The following EXOC6B variants were observed in gnomAD, a reference collection of about 807,000 sequenced individuals.
EXOC6B encodes SEC15 homolog B.
Under a neutral mutation model 113.5 loss-of-function variants are expected in EXOC6B, and 54 were observed. That is an observed-to-expected ratio of 0.48 (90% CI 0.38 to 0.60). The LOEUF (loss-of-function observed/expected upper bound fraction) is 0.60. Ranked by LOEUF, EXOC6B falls within the 20% of genes least tolerant of loss-of-function variation. The probability of loss-of-function intolerance (pLI) is 0.00; values close to 1 mark genes in which losing one functional copy is unlikely to be tolerated. For missense variants in EXOC6B, 797 were observed against 977.5 expected (o/e 0.82, Z 2.46); for synonymous variants, 357 against 339.0 (o/e 1.05, Z -0.58).
At chr2:72,812,825 T>A (rs1685996501) in intron 1 of EXOC6B, among the ~76,000 whole-genome samples, 1 of 152,130 alleles carries the variant, frequency 6.6e-6, no homozygotes, top group Non-Finnish European at 1.5e-5. Flanking sequence ...TCTACCAGTA[T>A]CAGGATATTA....
chr2:72,511,844 C>G (rs1166257970), intron 11 of EXOC6B, among the ~76,000 whole-genome samples: 1 of 152,134 alleles, frequency 6.6e-6, no homozygotes, highest in African/African-American at 2.4e-5. Flanking sequence ...TTTACTCTGT[C>G]TGGAACACCT....
intron 18 of EXOC6B, among the ~76,000 whole-genome samples, chr2:72,427,745 G>T (rs1403690069): frequency 6.6e-6 from 1 of 152,186 alleles, no homozygotes; most frequent in Non-Finnish European, 1.5e-5. Context: ...ACCCTGGTGA[G>T]GCTGTACCTT....
intron 20 of EXOC6B, among the ~76,000 whole-genome samples, chr2:72,280,930 G>A (rs1685089618): frequency 2.0e-5 from 3 of 152,046 alleles, no homozygotes; most frequent in Non-Finnish European, 4.4e-5. Flanking sequence ...ACAGCCTATT[G>A]GCATAGGCCA....
intron 19 of EXOC6B, among the ~76,000 whole-genome samples, chr2:72,376,822 G>A (rs1691389629): frequency 6.6e-6 from 1 of 151,842 alleles, no homozygotes; most frequent in Non-Finnish European, 1.5e-5. Flanking sequence ...GTAAAACTGT[G>A]TATGCTATGT....
intron 8 of EXOC6B, among the ~76,000 whole-genome samples, chr2:72,532,202 G>T (rs1444054576): frequency 6.6e-6 from 1 of 151,904 alleles, no homozygotes; most frequent in Non-Finnish European, 1.5e-5. Flanking sequence ...AAACATAAAC[G>T]TTCTATGCAT....
intron 8 of EXOC6B, among the ~76,000 whole-genome samples, chr2:72,535,581 T>C (rs1386305989): frequency 2.0e-5 from 3 of 152,100 alleles, no homozygotes; most frequent in East Asian, 1.9e-4. Context: ...ATAAGAAATA[T>C]ACAAAATCAG....
At position 72,685,545 on chromosome 2, in the gene EXOC6B, C is replaced by CA. The variant is rs201816549; in HGVS notation, c.669+32557dup. On this transcript the variant is annotated intron_variant, in intron 6 of 21. Transcript: ENST00000272427. The stretch of plus-strand genomic sequence containing the variant: ...ACCTATGGTAACTGTTTTTTTGATC[C>CA]AAAAAAAACAACAGTACTTTCAACC... Among the ~76,000 whole-genome samples the CA allele has an allele frequency of 4.1e-3, 617 of 151,310 alleles. 2 individuals are homozygous for CA. The highest frequency in any genetic ancestry group is 0.014 in the African/African-American group (564 of 41,248).
At chr2:72,289,151 G>A in intron 20 of EXOC6B, 1 of 226,930 alleles carries the variant, frequency 4.4e-6, no homozygotes, top group Non-Finnish European at 8.8e-6. Context: ...AATGGCTCAT[G>A]GGCCAAAAAA....
At chr2:72,697,129 T>C (rs564696243) in intron 6 of EXOC6B, among the ~76,000 whole-genome samples, 10 of 141,588 alleles carry the variant, frequency 7.1e-5, no homozygotes, top group South Asian at 2.1e-4. Flanking sequence ...GATATAGATA[T>C]AGATATAGAT....
chr2:72,354,255 T>G (rs1028635435), intron 19 of EXOC6B: 1 of 152,206 alleles, frequency 6.6e-6, no homozygotes, highest in African/African-American at 2.4e-5. Flanking sequence ...TTGAAGGAAC[T>G]TGCCACAGAA....
At chr2:72,247,907 T>C (rs1240649304) in intron 20 of EXOC6B, among the ~76,000 whole-genome samples, 1 of 152,208 alleles carries the variant, frequency 6.6e-6, no homozygotes, top group Non-Finnish European at 1.5e-5. Flanking sequence ...CTTAAGAATC[T>C]TGGAGAGTCA....
At chr2:72,335,548 GCACACACACACACACACACA>G (rs70963124) in intron 19 of EXOC6B, among the ~76,000 whole-genome samples, 51 of 134,994 alleles carry the variant, frequency 3.8e-4, no homozygotes, top group South Asian at 1.1e-3. Flanking sequence ...CTGCATTATT[GCACACACACACACACACACA>G]CACACACACA....
At chr2:72,573,577 T>C (rs1704640559) in intron 7 of EXOC6B, among the ~76,000 whole-genome samples, 1 of 152,202 alleles carries the variant, frequency 6.6e-6, no homozygotes, top group South Asian at 2.1e-4. Flanking sequence ...CATTTTACTT[T>C]AAAGTGGCCC....
chr2:72,718,062 G>T, intron 6 of EXOC6B, 41 bp downstream of exon 6: 1 of 1,497,838 alleles, frequency 6.7e-7, no homozygotes, highest in Non-Finnish European at 9.1e-7. Context: ...ACTCAATACT[G>T]ATAAAGCCAC....
At chr2:72,495,576 C>A in intron 14 of EXOC6B, 37 bp from the exon 15 acceptor site, 1 of 1,103,038 alleles carries the variant, frequency 9.1e-7, no homozygotes, top group South Asian at 1.4e-5. Context: ...AAGTCACAAA[C>A]CAACGAAGAT....
At chr2:72,800,974 G>A (rs752311137) in intron 1 of EXOC6B, among the ~76,000 whole-genome samples, 15 of 152,098 alleles carry the variant, frequency 9.9e-5, no homozygotes, top group Non-Finnish European at 1.9e-4. Flanking sequence ...CAAATAACCA[G>A]TTTTTCAAAG....
At chr2:72,611,133 C>A (rs1671046293) in intron 6 of EXOC6B, among the ~76,000 whole-genome samples, 1 of 152,004 alleles carries the variant, frequency 6.6e-6, no homozygotes, top group Admixed American at 6.6e-5. Flanking sequence ...AAAGCCAAGG[C>A]AGGTGGATCA....
intron 2 of EXOC6B, among the ~76,000 whole-genome samples, chr2:72,736,221 G>A (rs990110588): frequency 5.3e-5 from 8 of 150,620 alleles, no homozygotes; most frequent in Admixed American, 2.6e-4. Flanking sequence ...ACAATAAAAA[G>A]AAACTATACC....
At chr2:72,257,249 G>A (rs1683406039) in intron 20 of EXOC6B, among the ~76,000 whole-genome samples, 2 of 151,916 alleles carry the variant, frequency 1.3e-5, no homozygotes, top group South Asian at 2.1e-4. Flanking sequence ...TAGAAGTCAC[G>A]GAGCTTAAAA....
Sources: allele counts gnomAD v4.1 joint callset (sites outside exome capture counted in the v4.1 genomes callset), GRCh38; gene constraint gnomAD v4.1.1; transcripts MANE v1.5; gene names NCBI Gene and HGNC (gene_info 2026-07-23, HGNC 2026-07-21).